The following GPATCH2 variants were observed in gnomAD, a reference collection of about 807,000 sequenced individuals.
GPATCH2 encodes G-patch domain containing 2, also known as G patch domain-containing protein 2.
A neutral mutation model predicts 58.0 loss-of-function variants in GPATCH2; 51 were observed. That is an observed-to-expected ratio of 0.88 (90% CI 0.70 to 1.11). The LOEUF (loss-of-function observed/expected upper bound fraction) is 1.11, where lower values mean the gene tolerates loss of function less well. Ranked by LOEUF, GPATCH2 falls within the 50% of genes most tolerant of loss-of-function variation. The probability of loss-of-function intolerance (pLI) is 0.00; values close to 1 mark genes in which losing one functional copy is unlikely to be tolerated. For synonymous variants in GPATCH2, 222 were observed against 218.5 expected (o/e 1.02, Z -0.14); for missense variants, 625 against 652.2 (o/e 0.96, Z 0.45).
At chr1:217,473,337 T>C (rs1277605108) in intron 8 of GPATCH2, among the ~76,000 whole-genome samples, 1 of 151,328 alleles carries the variant, frequency 6.6e-6, no homozygotes, top group African/African-American at 2.4e-5. Context: ...TAGCTAATAA[T>C]TGATTGCATG....
At chr1:217,621,305 G>T (rs1669175798) in intron 1 of GPATCH2, among the ~76,000 whole-genome samples, 1 of 152,148 alleles carries the variant, frequency 6.6e-6, no homozygotes, top group South Asian at 2.1e-4. Flanking sequence ...ATTAGTTGGG[G>T]TGACATACAG....
chr1:217,500,994 T>C (rs1662268614), intron 6 of GPATCH2, among the ~76,000 whole-genome samples: 1 of 152,088 alleles, frequency 6.6e-6, no homozygotes, highest in African/African-American at 2.4e-5. Context: ...TAGTGTAACA[T>C]CACAACTAAG....
chr1:217,534,173 G>T (rs184823227), intron 5 of GPATCH2, among the ~76,000 whole-genome samples: 1 of 152,036 alleles, frequency 6.6e-6, no homozygotes, highest in Non-Finnish European at 1.5e-5. Flanking sequence ...CCAAGATCAC[G>T]CCACTGCACT....
chr1:217,556,241 C>A (rs1665608690), intron 5 of GPATCH2, among the ~76,000 whole-genome samples: 1 of 152,132 alleles, frequency 6.6e-6, no homozygotes, highest in Non-Finnish European at 1.5e-5. Flanking sequence ...GTTTAAGGAG[C>A]AGTAACCCAA....
chr1:217,480,184 T>C (rs1661152250), intron 8 of GPATCH2, among the ~76,000 whole-genome samples: 1 of 151,570 alleles, frequency 6.6e-6, no homozygotes, highest in Non-Finnish European at 1.5e-5. Flanking sequence ...AAGGGAACAA[T>C]CAACAAAGTG....
chr1:217,611,145 G>T, intron 3 of GPATCH2, 74 bp from the exon 4 acceptor site: 2 of 1,331,380 alleles, frequency 1.5e-6, no homozygotes, highest in Non-Finnish European at 2.1e-6. Flanking sequence ...AGTCTTGTCA[G>T]GTAATAAAAA....
intron 5 of GPATCH2, among the ~76,000 whole-genome samples, chr1:217,548,900 T>C (rs911602410): frequency 2.6e-5 from 4 of 152,186 alleles, no homozygotes; most frequent in Non-Finnish European, 5.9e-5. Flanking sequence ...CCTCTTTTCT[T>C]ATAGTATACC....
chr1:217,558,443 T>C (rs148460797), intron 5 of GPATCH2, among the ~76,000 whole-genome samples: 106 of 152,344 alleles, frequency 7.0e-4, no homozygotes, highest in Middle Eastern at 3.4e-3. Flanking sequence ...TCTTTTGTTG[T>C]AATAAAGTGT....
At chr1:217,464,374 T>C (rs886340767) in intron 8 of GPATCH2, among the ~76,000 whole-genome samples, 6 of 151,982 alleles carry the variant, frequency 3.9e-5, no homozygotes, top group African/African-American at 1.4e-4. Flanking sequence ...AATCTGCAAA[T>C]GGCCCCAAGC....
chr1:217,575,461 A>C (rs1021292805), intron 5 of GPATCH2, among the ~76,000 whole-genome samples: 3 of 152,294 alleles, frequency 2.0e-5, no homozygotes, highest in Admixed American at 1.3e-4. Context: ...CTTAATATAA[A>C]AGTTTGAATT....
At chr1:217,554,081 T>C (rs757497931) in intron 5 of GPATCH2, among the ~76,000 whole-genome samples, 15 of 152,266 alleles carry the variant, frequency 9.9e-5, no homozygotes, top group Non-Finnish European at 1.9e-4. Flanking sequence ...GCTCTTGAGC[T>C]AGCTCCAGCT....
chr1:217,510,016 C>T (rs959145341), intron 6 of GPATCH2, among the ~76,000 whole-genome samples: 1 of 152,146 alleles, frequency 6.6e-6, no homozygotes, highest in African/African-American at 2.4e-5. Flanking sequence ...CTGAAACTGC[C>T]TCCTTCCAGA....
chr1:217,533,490 C>T (rs976389806), intron 5 of GPATCH2, among the ~76,000 whole-genome samples: 2 of 152,060 alleles, frequency 1.3e-5, no homozygotes, highest in Admixed American at 1.3e-4. Context: ...TCTCAGGGAC[C>T]CCCAGTGGTT....
intron 5 of GPATCH2, among the ~76,000 whole-genome samples, chr1:217,537,137 A>G (rs1008138823): frequency 6.6e-6 from 1 of 152,182 alleles, no homozygotes; most frequent in Non-Finnish European, 1.5e-5. Flanking sequence ...GAGTTCTTAG[A>G]TCATTTTCAT....
At chr1:217,468,711 T>A (rs1221458987) in intron 8 of GPATCH2, among the ~76,000 whole-genome samples, 1 of 152,114 alleles carries the variant, frequency 6.6e-6, no homozygotes, top group Non-Finnish European at 1.5e-5. Flanking sequence ...TAAGGGATTA[T>A]TGTTATTTTT....
intron 9 of GPATCH2, among the ~76,000 whole-genome samples, chr1:217,437,265 C>T (rs1000818965): frequency 1.1e-4 from 17 of 152,120 alleles, no homozygotes; most frequent in South Asian, 4.2e-4. Flanking sequence ...CGGGTGCCTA[C>T]GCCACCAGGG....
intron 8 of GPATCH2, among the ~76,000 whole-genome samples, 155 bp from the exon 9 acceptor site, chr1:217,449,492 C>T (rs1250152561): frequency 6.6e-6 from 1 of 152,208 alleles, no homozygotes; most frequent in Non-Finnish European, 1.5e-5. Context: ...AACATAATTA[C>T]ATTTGTTGAC....
intron 1 of GPATCH2, among the ~76,000 whole-genome samples, chr1:217,623,489 G>C (rs545170746): frequency 2.0e-5 from 3 of 151,622 alleles, no homozygotes; most frequent in African/African-American, 7.3e-5. Context: ...AAATTTCTTA[G>C]TAATAGAAAT....
chr1:217,479,698 C>G (rs1204438618), intron 8 of GPATCH2, among the ~76,000 whole-genome samples: 3 of 152,022 alleles, frequency 2.0e-5, no homozygotes, highest in Non-Finnish European at 4.4e-5. Context: ...ACTAAACTCT[C>G]CAGTTAATAG....
Sources: gnomAD v4.1 joint callset for allele counts (sites outside exome capture counted in the v4.1 genomes callset) on GRCh38, gnomAD v4.1.1 for gene constraint, MANE v1.5 for transcripts, NCBI Gene and HGNC (gene_info 2026-07-23, HGNC 2026-07-21) for gene names.